The following GALC variants were observed in gnomAD, a reference collection of about 807,000 sequenced individuals.
The protein encoded by GALC is galactocerebrosidase.
GALC carries 77 observed loss-of-function variants against 91.8 expected under a neutral mutation model. The observed-to-expected ratio is 0.84, with a 90% CI of 0.70 to 1.01. The LOEUF is 1.01. GALC is among the 50% of genes least tolerant of loss of function. The pLI is 0.00. For missense variants in GALC, 882 were observed against 855.9 expected (o/e 1.03, Z -0.38); for synonymous variants, 357 against 306.7 (o/e 1.16, Z -1.71).
intron 7 of GALC, among the ~76,000 whole-genome samples, chr14:87,969,129 G>A (rs1331772710): frequency 6.6e-6 from 1 of 152,166 alleles, no homozygotes; most frequent in Non-Finnish European, 1.5e-5. Context: ...AGCAGTGGCG[G>A]TTCTCAACCC....
rs1886782435 is a variant in GALC at position 87,982,263 on chromosome 14, A to C, written c.583-20T>G. On this transcript the variant is annotated intron_variant, in intron 5 of 16. Coordinates refer to ENST00000261304, the MANE Select transcript of GALC (RefSeq NM_000153.4). ...CCAAATCTGCAAAACAAAAAGTCAAAAAAGTCTGAATTGAAAGTTACAAAA... is the reference window on the plus strand; with the variant it reads ...CCAAATCTGCAAAACAAAAAGTCAACAAAGTCTGAATTGAAAGTTACAAAA... 2 of 1,543,918 alleles carry C rather than the reference A, an allele frequency of 1.3e-6. No individual in the cohort carries two copies. Among genetic ancestry groups the C allele is most frequent in the Admixed American group, 1.7e-5 (1 of 59,744 alleles).
intron 10 of GALC, chr14:87,953,112 T>C (rs1161976555): frequency 6.7e-7 from 1 of 1,495,410 alleles, no homozygotes; most frequent in African/African-American, 1.4e-5. Context: ...ACAAAACCAG[T>C]GTTTGGGATT....
At chr14:87,955,302 A>ATC in intron 10 of GALC, 1 of 621,212 alleles carries the variant, frequency 1.6e-6, no homozygotes, top group East Asian at 2.7e-5. Flanking sequence ...TGGATTTTTT[A>ATC]TTAAATACAT....
chr14:87,953,074 A>T, intron 10 of GALC: 1 of 1,492,066 alleles, frequency 6.7e-7, no homozygotes, highest in Non-Finnish European at 9.3e-7. Flanking sequence ...GTACAAAGAG[A>T]GTGTGTGCCA....
chr14:87,944,648 G>A (rs183060904), intron 14 of GALC, among the ~76,000 whole-genome samples: 1 of 151,978 alleles, frequency 6.6e-6, no homozygotes, highest in Non-Finnish European at 1.5e-5. Context: ...AGGGGCTCTG[G>A]ATAACTAAAA....
At chr14:87,948,606 G>GC (rs1056057420) in intron 12 of GALC, among the ~76,000 whole-genome samples, 2 of 151,764 alleles carry the variant, frequency 1.3e-5, no homozygotes, top group African/African-American at 2.4e-5. Flanking sequence ...AATTTGAACA[G>GC]TTTTTTTCTA....
intron 14 of GALC, among the ~76,000 whole-genome samples, chr14:87,942,319 G>C (rs776137290): frequency 6.6e-6 from 1 of 151,962 alleles, no homozygotes; most frequent in Non-Finnish European, 1.5e-5. Context: ...CTGTCTATAA[G>C]GAAGCAATAA....
At chr14:87,990,235 T>A (rs1483373495) in intron 1 of GALC, among the ~76,000 whole-genome samples, 1 of 152,254 alleles carries the variant, frequency 6.6e-6, no homozygotes, top group African/African-American at 2.4e-5. Flanking sequence ...TGTTATTCAA[T>A]AAACACTTAT....
chr14:87,954,186 T>C (rs1249054697), intron 10 of GALC: 1 of 1,583,206 alleles, frequency 6.3e-7, no homozygotes, highest in Non-Finnish European at 8.7e-7. Flanking sequence ...AAAACATTCC[T>C]ACCTCAGAGA....
chr14:87,947,310 T>C (rs1290220660), intron 13 of GALC, among the ~76,000 whole-genome samples: 1 of 150,918 alleles, frequency 6.6e-6, no homozygotes, highest in Non-Finnish European at 1.5e-5. Context: ...ATATAATGAG[T>C]TGGATCAGCC....
Position 87,947,822 on chromosome 14 carries a change from T to C in GALC, c.1395A>G (p.Thr465=), listed in dbSNP as rs1222749446. 6.2e-7 allele frequency: 1 copy of C among 1,612,614 alleles called. No homozygotes were observed. The highest frequency in any genetic ancestry group is 1.1e-5 in the South Asian group (1 of 91,052). ...TLSLHEDELF[T]LTTLTTGRKG... ...TGCGACCAGTGGTGAGAGTGGTGAGTGTGAACAGCTCATCTTCATGCAGGC... is the reference window on the plus strand; with the variant it reads ...TGCGACCAGTGGTGAGAGTGGTGAGCGTGAACAGCTCATCTTCATGCAGGC... Residue 465 remains threonine, a synonymous_variant, in exon 13 of 17, where the codon ACA becomes ACG. Coordinates refer to ENST00000261304, the MANE Select transcript of GALC (RefSeq NM_000153.4).
Position 87,943,352 on chromosome 14 carries a change from G to C in GALC, c.1671-1794C>G, listed in dbSNP as rs182122174. 1.6e-4 allele frequency among the ~76,000 whole-genome samples: 24 copies of C among 152,114 alleles called. No individual in the cohort carries two copies. The East Asian group carries it at 4.1e-3, about 26-fold the overall frequency. The stretch of plus-strand genomic sequence containing the variant: ...ATCTATCCCATATAATCAAATTACT[G>C]TGCTGGTAAATGACTAAATCTAGGT... On this transcript the variant is annotated intron_variant, in intron 14 of 16. Coordinates refer to ENST00000261304, the MANE Select transcript of GALC (RefSeq NM_000153.4).
intron 10 of GALC, among the ~76,000 whole-genome samples, chr14:87,951,222 T>C (rs372977801): frequency 1.3e-5 from 2 of 151,938 alleles, no homozygotes; most frequent in Admixed American, 6.6e-5. Flanking sequence ...CAGCTAAATA[T>C]ATGTAACATA....
intron 14 of GALC, among the ~76,000 whole-genome samples, chr14:87,943,761 A>G (rs146915846): frequency 3.3e-5 from 5 of 152,188 alleles, no homozygotes; most frequent in Non-Finnish European, 7.4e-5. Context: ...ATAAGTGGGC[A>G]CAGCAGCCAG....
intron 3 of GALC, chr14:87,987,057 C>G (rs1270914268): frequency 2.2e-6 from 1 of 454,356 alleles, no homozygotes; most frequent in East Asian, 7.0e-5. Context: ...TATAATATGT[C>G]TTGATATAGG....
rs542428409 is a variant in GALC, at chr14:87,988,388, A to G, written c.264+67T>C. ...TAGAATTGTGAGGCTAATAAATTCT[A>G]TGGTGAAATTCACCATCCAATTTCT... On this transcript the variant is annotated intron_variant, in intron 2 of 16. Transcript: ENST00000261304. 6.2e-6 allele frequency: 8 copies of G among 1,299,964 alleles called. No homozygotes were observed. In the East Asian group the frequency reaches 1.6e-4, roughly 26 times the overall value. 80.5% of individuals were successfully genotyped at this position (1,299,964 alleles called of 1,614,324 possible).
chr14:87,979,733 T>A (rs1886658325), intron 6 of GALC, among the ~76,000 whole-genome samples: 1 of 152,210 alleles, frequency 6.6e-6, no homozygotes, highest in South Asian at 2.1e-4. Flanking sequence ...CTTTGAAATG[T>A]CAAATTTGGG....
chr14:87,957,169 AG>A (rs1404204240), intron 10 of GALC, among the ~76,000 whole-genome samples: 2 of 152,040 alleles, frequency 1.3e-5, no homozygotes, highest in Admixed American at 6.6e-5. Context: ...GTCTTTTGTC[AG>A]ATGCATAATT....
chr14:87,967,881 C>T (rs1004925010), intron 8 of GALC, among the ~76,000 whole-genome samples: 1 of 152,066 alleles, frequency 6.6e-6, no homozygotes, highest in African/African-American at 2.4e-5. Flanking sequence ...CTACAAATGA[C>T]ATTTTTGGGA....
Sources: gnomAD v4.1 joint callset for allele counts (sites outside exome capture counted in the v4.1 genomes callset) on GRCh38, gnomAD v4.1.1 for gene constraint, MANE v1.5 for transcripts, NCBI Gene and HGNC (gene_info 2026-07-23, HGNC 2026-07-21) for gene names.